PRUNE2: variants seen among roughly 807,000 people sequenced by gnomAD.
The protein encoded by PRUNE2 is protein prune homolog 2.
In PRUNE2, 164 loss-of-function variants were observed where a neutral mutation model predicts 252.0. The ratio of observed to expected loss-of-function variants is 0.65; its 90% CI spans 0.57 to 0.74. The LOEUF (loss-of-function observed/expected upper bound fraction) is 0.74. Among genes scored for constraint, PRUNE2 ranks in the 30% least tolerant of loss-of-function variants. The pLI is 0.00. For synonymous variants in PRUNE2, 1,292 were observed against 1,350.2 expected (o/e 0.96, Z 0.94); for missense variants, 3,495 against 3,711.0 (o/e 0.94, Z 1.51).
At chr9:76,719,624 GA>G (rs936644111) in intron 6 of PRUNE2, among the ~76,000 whole-genome samples, 18 of 149,752 alleles carry the variant, frequency 1.2e-4, no homozygotes, top group Non-Finnish European at 2.4e-4. Flanking sequence ...CTCTCTAAAA[GA>G]AAAAAAAGAT....
At chr9:76,816,182 AATTAT>A (rs1043745793) in intron 6 of PRUNE2, among the ~76,000 whole-genome samples, 105 of 149,044 alleles carry the variant, frequency 7.0e-4, no homozygotes, top group African/African-American at 2.4e-3. Context: ...AAAAAAAAAG[AATTAT>A]ATTATAAGCA....
At chr9:76,630,404 A>G (rs1484295930) in intron 15 of PRUNE2, among the ~76,000 whole-genome samples, 7 of 152,200 alleles carry the variant, frequency 4.6e-5, no homozygotes, top group Non-Finnish European at 1.0e-4. Context: ...TGCACAGAGA[A>G]CAACTTGGAA....
At position 76,707,847 on chromosome 9, in the gene PRUNE2, T is replaced by A. The variant is rs745903002; in HGVS notation, c.4427A>T (p.Asn1476Ile). 3.7e-6 allele frequency: 6 copies of A among 1,613,596 alleles called. No individual in the cohort carries two copies. In the Admixed American group the frequency reaches 8.3e-5, roughly 22 times the overall value. ...TEECNFLEPE[N>I]VGGGPPHRVP... ...TCTGTGAGGTGGCCCTCCACCCACG[T>A]TCTCTGGCTCTAGAAAGTTACATTC... The change falls in exon 8 of 19, where the codon AAC (asparagine) becomes ATC (isoleucine). Residue 1476 changes from asparagine to isoleucine, a missense_variant. By Grantham distance (149) the Asn-to-Ile change is moderately radical (BLOSUM62 -3). Transcript: ENST00000376718.
rs751748084 is a variant in PRUNE2 at position 76,706,906 on chromosome 9, GAGA to G, written c.5365_5367del (p.Ser1789del). The G allele has an allele frequency of 4.9e-5, 79 of 1,601,344 alleles. No individual in the cohort carries two copies. The highest frequency in any genetic ancestry group is 1.9e-4 in the Admixed American group (11 of 58,354). ...ACATCTCCTGTTGTCCCTGTTTCTG[GAGA>G]AGATCTCTTCTCCTTCTCCACTGCT... On this transcript the variant is annotated inframe_deletion, in exon 8 of 19. Transcript: ENST00000376718.
chr9:76,770,597 T>C (rs991710329), intron 6 of PRUNE2, among the ~76,000 whole-genome samples: 4 of 152,184 alleles, frequency 2.6e-5, no homozygotes, highest in African/African-American at 9.6e-5. Context: ...GTAAACCAAA[T>C]GAAACTAACA....
At chr9:76,864,512 G>A (rs1175658769) in intron 1 of PRUNE2, among the ~76,000 whole-genome samples, 1 of 152,082 alleles carries the variant, frequency 6.6e-6, no homozygotes, top group Non-Finnish European at 1.5e-5. Flanking sequence ...GTGTCAAACA[G>A]TTCATTATCA....
chr9:76,731,324 A>AT (rs1181079797), intron 6 of PRUNE2, among the ~76,000 whole-genome samples: 27,942 of 106,582 alleles, frequency 0.26, 3,548 homozygotes, highest in South Asian at 0.36. Flanking sequence ...ATATATATAT[A>AT]TTTTTTTTTT....
chr9:76,730,764 G>A (rs1029080206), intron 6 of PRUNE2, among the ~76,000 whole-genome samples: 1 of 152,238 alleles, frequency 6.6e-6, no homozygotes, highest in Admixed American at 6.5e-5. Flanking sequence ...GCCGAGTGTG[G>A]TGGTGGCACA....
At chr9:76,688,491 C>T (rs2044349658) in intron 9 of PRUNE2, among the ~76,000 whole-genome samples, 1 of 152,198 alleles carries the variant, frequency 6.6e-6, no homozygotes, top group Non-Finnish European at 1.5e-5. Context: ...GATGACCTTT[C>T]ACAGGGCTTG....
intron 6 of PRUNE2, among the ~76,000 whole-genome samples, chr9:76,776,228 C>T (rs1298664244): frequency 6.6e-6 from 1 of 152,142 alleles, no homozygotes; most frequent in African/African-American, 2.4e-5. Context: ...TTTAGTGTAG[C>T]CATCACCTGA....
rs560175409 is a variant in PRUNE2 at position 76,674,324 on chromosome 9, A to G, written c.8277-18822T>C. ...TTCGCAATTGCTTCAAAGAGAATAAAATACCTAGGAATCCAACTTACAAGG... is the reference window on the plus strand; with the variant it reads ...TTCGCAATTGCTTCAAAGAGAATAAGATACCTAGGAATCCAACTTACAAGG... On this transcript the variant is annotated intron_variant, in intron 9 of 18. Coordinates refer to ENST00000376718, the MANE Select transcript of PRUNE2 (RefSeq NM_015225.3). 8.1e-4 allele frequency among the ~76,000 whole-genome samples: 124 copies of G among 152,344 alleles called. 1 individual carries two copies. The highest frequency in any genetic ancestry group is 3.0e-3 in the African/African-American group (123 of 41,564).
chr9:76,860,032 G>A (rs1308740256), intron 1 of PRUNE2, among the ~76,000 whole-genome samples: 5 of 152,262 alleles, frequency 3.3e-5, no homozygotes, highest in African/African-American at 1.2e-4. Flanking sequence ...TACTTTAGTG[G>A]GCAGGGGCTG....
chr9:76,624,880 CACA>C, intron 16 of PRUNE2: 1 of 463,724 alleles, frequency 2.2e-6, no homozygotes, highest in Non-Finnish European at 3.9e-6. Flanking sequence ...AACAGCTTTA[CACA>C]CAGGACAAAG....
At chr9:76,668,959 C>T (rs2040767545) in intron 9 of PRUNE2, among the ~76,000 whole-genome samples, 1 of 150,788 alleles carries the variant, frequency 6.6e-6, no homozygotes, top group South Asian at 2.2e-4. Context: ...TTGAAGATGG[C>T]CATCTTCTCT....
intron 6 of PRUNE2, among the ~76,000 whole-genome samples, chr9:76,733,987 A>C (rs1469456969): frequency 6.6e-6 from 1 of 152,032 alleles, no homozygotes; most frequent in Non-Finnish European, 1.5e-5. Context: ...GTAGCCAAAA[A>C]CTAGTTTGAT....
intron 6 of PRUNE2, among the ~76,000 whole-genome samples, chr9:76,762,507 C>G (rs2051836963): frequency 6.6e-6 from 1 of 152,200 alleles, no homozygotes; most frequent in South Asian, 2.1e-4. Flanking sequence ...ACTATAGATT[C>G]CACACATGTT....
At chr9:76,873,123 C>G (rs1369630610) in intron 1 of PRUNE2, among the ~76,000 whole-genome samples, 1 of 151,908 alleles carries the variant, frequency 6.6e-6, no homozygotes, top group African/African-American at 2.4e-5. Context: ...TCAGTACCTT[C>G]CGAGGAAGCC....
rs372898636 is a variant in PRUNE2, at chr9:76,741,887, C to T, written c.757-28166G>A. 2.6e-5 allele frequency among the ~76,000 whole-genome samples: 4 copies of T among 152,342 alleles called. No individual in the cohort carries two copies. The East Asian group carries it at 5.8e-4, about 22-fold the overall frequency. On this transcript the variant is annotated intron_variant, in intron 6 of 18. Transcript: ENST00000376718. ...CTTGGTAAATTCTTGTACTCCCATGCCACTGGCCCAGATAGTCGTGGCTCA... is the reference window on the plus strand; with the variant it reads ...CTTGGTAAATTCTTGTACTCCCATGTCACTGGCCCAGATAGTCGTGGCTCA...
intron 6 of PRUNE2, chr9:76,779,777 C>T (rs2131165743): frequency 6.6e-6 from 1 of 152,340 alleles, no homozygotes; most frequent in East Asian, 1.9e-4. Flanking sequence ...ATTTACATCG[C>T]TAATTGCCAA....
Sources: gnomAD v4.1 joint callset for allele counts (sites outside exome capture counted in the v4.1 genomes callset) on GRCh38, gnomAD v4.1.1 for gene constraint, MANE v1.5 for transcripts, NCBI Gene and HGNC (gene_info 2026-07-23, HGNC 2026-07-21) for gene names.